Variants in PDE1C observed in about 807,000 individuals in gnomAD.
The protein encoded by PDE1C is dual specificity calcium/calmodulin-dependent 3',5'-cyclic nucleotide phosphodiesterase 1C.
A neutral mutation model predicts 93.1 loss-of-function variants in PDE1C; 62 were observed. That is an observed-to-expected ratio of 0.67 (90% CI 0.54 to 0.82). PDE1C has a LOEUF of 0.82. Among genes scored for constraint, PDE1C ranks in the 40% least tolerant of loss-of-function variants. The pLI is 0.00. For synonymous variants in PDE1C, 325 were observed against 310.1 expected, an observed-to-expected ratio of 1.05 and a Z score of -0.50; for missense variants, 742 against 884.6, an observed-to-expected ratio of 0.84 and a Z score of 2.04.
At chr7:32,232,125 G>A (rs1219600135) in intron 1 of PDE1C, among the ~76,000 whole-genome samples, 1 of 152,006 alleles carries the variant, frequency 6.6e-6, no homozygotes, top group Non-Finnish European at 1.5e-5. Flanking sequence ...GAAAACAATA[G>A]TAGCAGACAG....
chr7:32,257,426 C>G (rs1029865538), intron 1 of PDE1C, among the ~76,000 whole-genome samples: 1 of 152,120 alleles, frequency 6.6e-6, no homozygotes, highest in Non-Finnish European at 1.5e-5. Flanking sequence ...AATCCTGGCT[C>G]CCTCATTTAC....
intron 2 of PDE1C, among the ~76,000 whole-genome samples, chr7:31,938,603 C>T (rs1405638650): frequency 6.6e-6 from 1 of 152,126 alleles, no homozygotes; most frequent in South Asian, 2.1e-4. Flanking sequence ...TCAAAGTTTA[C>T]TGTGAAACTT....
intron 1 of PDE1C, among the ~76,000 whole-genome samples, chr7:32,275,749 G>T (rs944618987): frequency 6.6e-6 from 1 of 152,120 alleles, no homozygotes; most frequent in Non-Finnish European, 1.5e-5. Context: ...GAAATTAAGT[G>T]AATGTGTAGT....
Position 31,753,249 on chromosome 7 carries a change from C to A in PDE1C, c.*135G>T. Reference sequence around the variant, plus strand: ...AAATCACATACAACTTTCATTTCACCTTGGTGGAGTCAACCAGGATAGTAC... The same window carrying A: ...AAATCACATACAACTTTCATTTCACATTGGTGGAGTCAACCAGGATAGTAC... On this transcript the variant is annotated 3_prime_UTR_variant, in exon 18 of 18. Transcript: ENST00000396191. 1 of 1,071,014 alleles carries A rather than the reference C, an allele frequency of 9.3e-7. No individual in the cohort carries two copies. The highest frequency in any genetic ancestry group is 1.3e-6 in the Non-Finnish European group (1 of 760,584). The allele number at this position is 1,071,014 out of a possible 1,614,324, so 66.3% of individuals were successfully genotyped here.
intron 3 of PDE1C, among the ~76,000 whole-genome samples, chr7:32,082,218 C>A (rs1014113230): frequency 6.6e-6 from 1 of 152,398 alleles, no homozygotes; most frequent in African/African-American, 2.4e-5. Flanking sequence ...ATATCCCGCA[C>A]ATGGCTCTGA....
intron 2 of PDE1C, among the ~76,000 whole-genome samples, chr7:32,179,997 A>G (rs558748243): frequency 1.3e-5 from 2 of 152,326 alleles, no homozygotes; most frequent in Admixed American, 1.3e-4. Context: ...GGAGAAATAA[A>G]ACTCCTAAAA....
chr7:31,986,748 T>C (rs1370236110), intron 2 of PDE1C, among the ~76,000 whole-genome samples: 1 of 152,038 alleles, frequency 6.6e-6, no homozygotes, highest in Non-Finnish European at 1.5e-5. Flanking sequence ...GGAAGGAGCA[T>C]GGTCCCACTA....
intron 1 of PDE1C, among the ~76,000 whole-genome samples, chr7:32,248,549 C>G (rs1049622324): frequency 3.3e-5 from 5 of 152,202 alleles, no homozygotes; most frequent in Non-Finnish European, 5.9e-5. Context: ...TACACAAATA[C>G]AAAGCTAGGG....
chr7:31,707,242 G>C, the PDE1C span: 1 of 1,614,062 alleles, frequency 6.2e-7, no homozygotes, highest in South Asian at 1.1e-5. Context: ...CAAAGCAATC[G>C]TGGAAGATGA....
chr7:32,309,264 T>C (rs1307632166), intron 1 of PDE1C, among the ~76,000 whole-genome samples: 1 of 152,162 alleles, frequency 6.6e-6, no homozygotes, highest in Non-Finnish European at 1.5e-5. Context: ...AGACTAAACC[T>C]ACGTCTGATT....
At chr7:31,785,454 T>C (rs764867298) in intron 16 of PDE1C, 2 of 152,082 alleles carry the variant, frequency 1.3e-5, no homozygotes, top group African/African-American at 2.4e-5. Context: ...ATGTCAAATA[T>C]GTCTGGCAAT....
the PDE1C span, among the ~76,000 whole-genome samples, chr7:31,619,252 G>A: frequency 6.6e-6 from 1 of 152,126 alleles, no homozygotes; most frequent in East Asian, 1.9e-4. Flanking sequence ...AAGGCATAAT[G>A]ACTAGATTTC....
chr7:32,037,464 A>G (rs1791259755), intron 2 of PDE1C, among the ~76,000 whole-genome samples: 1 of 152,144 alleles, frequency 6.6e-6, no homozygotes. Context: ...CTCAGATAAC[A>G]AAAGCGGTGA....
intron 16 of PDE1C, chr7:31,790,079 G>A: frequency 6.9e-7 from 1 of 1,454,726 alleles, no homozygotes; most frequent in Non-Finnish European, 9.0e-7. Context: ...GAAGGAGATG[G>A]TGTGAGGGAA....
At chr7:31,728,022 T>A in the PDE1C span, among the ~76,000 whole-genome samples, 2 of 152,136 alleles carry the variant, frequency 1.3e-5, no homozygotes, top group African/African-American at 4.8e-5. Context: ...CCAGCTTGGG[T>A]GACAGAGCAA....
chr7:31,880,697 G>T, intron 3 of PDE1C, 50 bp downstream of exon 3: 1 of 1,095,024 alleles, frequency 9.1e-7, no homozygotes, highest in Non-Finnish European at 1.4e-6. Context: ...AGCCATTTAA[G>T]AGAAAATTTA....
intron 2 of PDE1C, among the ~76,000 whole-genome samples, chr7:31,943,131 G>GCAGTTTGGAA (rs1414229811): frequency 5.9e-5 from 9 of 152,122 alleles, no homozygotes; most frequent in African/African-American, 1.9e-4. Flanking sequence ...CCCCCAAAAA[G>GCAGTTTGGAA]ACCTTGTCCT....
intron 3 of PDE1C, among the ~76,000 whole-genome samples, chr7:32,162,959 G>C (rs1274042016): frequency 1.3e-5 from 2 of 152,132 alleles, no homozygotes. Context: ...AACTTACAAA[G>C]AGAGACCTAA....
intron 1 of PDE1C, among the ~76,000 whole-genome samples, chr7:32,268,496 C>G (rs948055178): frequency 7.2e-5 from 11 of 152,128 alleles, no homozygotes; most frequent in African/African-American, 2.7e-4. Flanking sequence ...TTACTTATTT[C>G]TACCTTACCT....
Sources: allele counts gnomAD v4.1 joint callset (sites outside exome capture counted in the v4.1 genomes callset), GRCh38; gene constraint gnomAD v4.1.1; transcripts MANE v1.5; gene names NCBI Gene and HGNC (gene_info 2026-07-23, HGNC 2026-07-21).